TBC1D23: variants seen among roughly 807,000 people sequenced by gnomAD.
TBC1D23 encodes HCV non-structural protein 4A-transactivated protein 1.
In TBC1D23, 55 loss-of-function variants were observed where a neutral mutation model predicts 91.4. The observed-to-expected ratio is 0.60, with a 90% CI of 0.48 to 0.75. The LOEUF (loss-of-function observed/expected upper bound fraction) is 0.75, where lower values mean the gene tolerates loss of function less well. Ranked by LOEUF, TBC1D23 falls within the 30% of genes least tolerant of loss-of-function variation. The pLI, the probability that TBC1D23 is intolerant of heterozygous loss-of-function variation, is 0.00. For missense variants in TBC1D23, 725 were observed against 836.1 expected, an observed-to-expected ratio of 0.87 and a Z score of 1.64; for synonymous variants, 289 against 281.0, an observed-to-expected ratio of 1.03 and a Z score of -0.28.
At chr3:100,321,792 T>A (rs754893083) in intron 18 of TBC1D23, among the ~76,000 whole-genome samples, 4 of 151,566 alleles carry the variant, frequency 2.6e-5, no homozygotes, top group Non-Finnish European at 5.9e-5. Flanking sequence ...TCTATACTGT[T>A]TTATGTAATT....
intron 13 of TBC1D23, 26 bp downstream of exon 13, chr3:100,306,569 C>T: frequency 7.1e-7 from 1 of 1,408,904 alleles, no homozygotes; most frequent in East Asian, 2.3e-5. Flanking sequence ...GAATATGTTA[C>T]CGGATTTGGA....
intron 5 of TBC1D23, among the ~76,000 whole-genome samples, chr3:100,291,795 T>TG (rs1283593734): frequency 3.4e-5 from 5 of 145,952 alleles, no homozygotes; most frequent in East Asian, 4.1e-4. Context: ...CTTTTTTTTT[T>TG]CTTTTTTTTT....
In TBC1D23 at chr3:100,316,081, A is replaced by C. The variant is rs374070318; in HGVS notation, c.1599-18A>C. Reference sequence around the variant, plus strand: ...CTTCTTAAGTGATTATTTCTCTCCTAAAATTCTTTGAATATAGGCATGTGA... The same window carrying C: ...CTTCTTAAGTGATTATTTCTCTCCTCAAATTCTTTGAATATAGGCATGTGA... On this transcript the variant is annotated intron_variant, in intron 15 of 18. Transcript: ENST00000394144. 2 of 1,590,698 alleles carry C rather than the reference A, an allele frequency of 1.3e-6. No homozygotes were observed. Among genetic ancestry groups the C allele is most frequent in the Non-Finnish European group, 1.7e-6 (2 of 1,158,866 alleles).
At chr3:100,261,920 T>G (rs2067514221) in intron 1 of TBC1D23, among the ~76,000 whole-genome samples, 2 of 152,250 alleles carry the variant, frequency 1.3e-5, no homozygotes, top group Admixed American at 6.5e-5. Context: ...CTAAGTGTAT[T>G]GACCACATGT....
intron 5 of TBC1D23, among the ~76,000 whole-genome samples, chr3:100,292,840 A>G (rs752088374): frequency 6.6e-6 from 1 of 152,132 alleles, no homozygotes; most frequent in African/African-American, 2.4e-5. Context: ...GGCTCAAGCA[A>G]TCCTCTCACG....
chr3:100,316,564 A>C (rs991472934), intron 16 of TBC1D23, among the ~76,000 whole-genome samples: 3 of 152,194 alleles, frequency 2.0e-5, no homozygotes, highest in Admixed American at 2.0e-4. Flanking sequence ...GATAATTTGG[A>C]GGCTATCAGT....
chr3:100,314,405 CA>C (rs910244301), intron 15 of TBC1D23, among the ~76,000 whole-genome samples: 2 of 151,572 alleles, frequency 1.3e-5, no homozygotes, highest in Non-Finnish European at 2.9e-5. Context: ...GTAACCGGCA[CA>C]AAAAAAATTT....
intron 1 of TBC1D23, among the ~76,000 whole-genome samples, chr3:100,271,773 A>G (rs1370887845): frequency 6.6e-6 from 1 of 152,148 alleles, no homozygotes; most frequent in African/African-American, 2.4e-5. Flanking sequence ...AGCATCATAG[A>G]GTTGTCTTAT....
chr3:100,315,722 C>A (rs1705731468), intron 15 of TBC1D23: 1 of 210,216 alleles, frequency 4.8e-6, no homozygotes, highest in Non-Finnish European at 9.8e-6. Context: ...CTTACTATAA[C>A]CCTGACAGGT....
chr3:100,321,069 A>G (rs1705850266), intron 18 of TBC1D23, 98 bp downstream of exon 18: 2 of 884,796 alleles, frequency 2.3e-6, no homozygotes, highest in East Asian at 5.4e-5. Flanking sequence ...TGGGGAATGG[A>G]TGGTGGAATA....
intron 15 of TBC1D23, among the ~76,000 whole-genome samples, chr3:100,313,105 C>T (rs948014257): frequency 5.3e-5 from 8 of 152,040 alleles, no homozygotes; most frequent in Non-Finnish European, 8.8e-5. Context: ...GCCTACACAA[C>T]GCCAATTACA....
intron 4 of TBC1D23, among the ~76,000 whole-genome samples, chr3:100,287,576 AG>A (rs1433127741): frequency 6.6e-6 from 1 of 152,156 alleles, no homozygotes; most frequent in Non-Finnish European, 1.5e-5. Flanking sequence ...GTAAGTATTA[AG>A]ACTAAGGAGG....
chr3:100,320,751 T>G, intron 17 of TBC1D23, 26 bp from the exon 18 acceptor site: 1 of 1,396,932 alleles, frequency 7.2e-7, no homozygotes, highest in Non-Finnish European at 9.5e-7. Flanking sequence ...AAATTCTTTT[T>G]CTTTTAATGC....
intron 5 of TBC1D23, among the ~76,000 whole-genome samples, chr3:100,292,741 A>G (rs932942859): frequency 2.0e-5 from 3 of 152,118 alleles, no homozygotes; most frequent in African/African-American, 7.2e-5. Context: ...CTGGGACCAC[A>G]GGCATGCACC....
In TBC1D23 at chr3:100,290,582, T is replaced by G; in HGVS notation, c.481T>G (p.Cys161Gly). 1 of 1,613,676 alleles carries G rather than the reference T, an allele frequency of 6.2e-7. No homozygotes were observed. The highest frequency in any genetic ancestry group is 1.3e-5 in the African/African-American group (1 of 75,024). Residue 161 changes from cysteine (C) to glycine (G), a missense_variant, in exon 5 of 19, where the codon TGT (cysteine) becomes GGT (glycine). Physicochemically the swap from Cys to Gly is radical, Grantham distance 159. Coordinates refer to ENST00000394144, the MANE Select transcript of TBC1D23 (RefSeq NM_001199198.3). ...AIMNKYIPRD[C>G]SQKGRPFHLF... is the part of the protein sequence containing the mutation. ...TTTGCTTCTCTTGTCTTCTAGGGATTGTTCCCAGAAAGGGAGACCATTTCA... is the reference window on the plus strand; with the variant it reads ...TTTGCTTCTCTTGTCTTCTAGGGATGGTTCCCAGAAAGGGAGACCATTTCA...
At chr3:100,301,624 G>A (rs566940963) in intron 10 of TBC1D23, among the ~76,000 whole-genome samples, 7 of 152,258 alleles carry the variant, frequency 4.6e-5, no homozygotes, top group African/African-American at 1.7e-4. Flanking sequence ...TCCGTTACCT[G>A]GAATAGTGCT....
chr3:100,323,511 G>A, intron 18 of TBC1D23, 76 bp from the exon 19 acceptor site: 1 of 737,674 alleles, frequency 1.4e-6, no homozygotes, highest in Non-Finnish European at 1.8e-6. Flanking sequence ...AGTCTTGAAG[G>A]GAAAGCACTG....
At chr3:100,314,080 T>G (rs1296522778) in intron 15 of TBC1D23, among the ~76,000 whole-genome samples, 1 of 150,022 alleles carries the variant, frequency 6.7e-6, no homozygotes, top group Non-Finnish European at 1.5e-5. Context: ...TCAACAAAAT[T>G]AGGCTACAAA....
At chr3:100,282,930 T>C (rs1395866487) in intron 3 of TBC1D23, among the ~76,000 whole-genome samples, 2 of 152,170 alleles carry the variant, frequency 1.3e-5, no homozygotes, top group African/African-American at 4.8e-5. Context: ...CAGGTATTAC[T>C]AAGTGCTAAT....
Sources: gnomAD v4.1 joint callset for allele counts (sites outside exome capture counted in the v4.1 genomes callset) on GRCh38, gnomAD v4.1.1 for gene constraint, MANE v1.5 for transcripts, NCBI Gene and HGNC (gene_info 2026-07-23, HGNC 2026-07-21) for gene names.